The following KLHL32 variants were observed in gnomAD, a reference collection of about 807,000 sequenced individuals.
KLHL32 encodes kelch like family member 32, also known as kelch-like protein 32.
Under a neutral mutation model 64.8 loss-of-function variants are expected in KLHL32, and 35 were observed. The ratio of observed to expected loss-of-function variants is 0.54; its 90% confidence interval spans 0.41 to 0.72. The LOEUF is 0.72. KLHL32 is among the 30% of genes least tolerant of loss of function. The pLI is 0.00. For missense variants in KLHL32, 589 were observed against 768.5 expected, an observed-to-expected ratio of 0.77 and a Z score of 2.76; for synonymous variants, 259 against 281.0, an observed-to-expected ratio of 0.92 and a Z score of 0.78.
rs76175597 is a variant in KLHL32, at chr6:97,116,869, A to G, written c.1354+2360A>G. Among the ~76,000 whole-genome samples the G allele has an allele frequency of 3.7e-3, 556 of 152,234 alleles. 2 individuals carry two copies. Among genetic ancestry groups the G allele is most frequent in the African/African-American group, 0.012 (511 of 41,552 alleles). ...TTTCTCCTACTGTGAAAGGAAATAC[A>G]TTTTCTTTGTTCTTCTTTTGCACTA... On this transcript the variant is annotated intron_variant, in intron 7 of 10. Coordinates refer to ENST00000369261, the MANE Select transcript of KLHL32 (RefSeq NM_052904.4).
At chr6:97,027,879 A>G (rs181085320) in intron 3 of KLHL32, among the ~76,000 whole-genome samples, 1 of 152,326 alleles carries the variant, frequency 6.6e-6, no homozygotes, top group Admixed American at 6.5e-5. Flanking sequence ...AGGAGACTCT[A>G]GAGCTGTTAC....
chr6:97,041,713 A>G (rs1785147396), intron 4 of KLHL32, 114 bp downstream of exon 4: 1 of 613,958 alleles, frequency 1.6e-6, no homozygotes, highest in African/African-American at 1.8e-5. Context: ...TTTTGATGTT[A>G]AAAATAAGAT....
Position 96,991,560 on chromosome 6 carries a change from C to T in KLHL32, c.204+15383C>T, listed in dbSNP as rs539391936. Among the ~76,000 whole-genome samples the T allele has an allele frequency of 8.6e-5, 13 of 151,744 alleles. No individual in the cohort carries two copies. In the East Asian group the frequency reaches 2.0e-3, roughly 23 times the overall value. ...CTGACATGTTCAGGCCAGGGCAGGG[C>T]GGTTGTGCTAGGCGCCCAGGTGGAG... is the stretch of plus-strand genomic sequence containing the variant. On this transcript the variant is annotated intron_variant, in intron 3 of 10. Transcript: ENST00000369261.
intron 1 of KLHL32, among the ~76,000 whole-genome samples, chr6:96,961,960 C>G (rs1374415074): frequency 1.3e-5 from 2 of 152,086 alleles, no homozygotes; most frequent in East Asian, 3.9e-4. Flanking sequence ...CTATAAGCAC[C>G]GTTACTACCG....
At chr6:97,019,357 G>T (rs1359429630) in intron 3 of KLHL32, among the ~76,000 whole-genome samples, 1 of 152,238 alleles carries the variant, frequency 6.6e-6, no homozygotes. Context: ...GGAAGGAGAA[G>T]TTGGTCTTCA....
At chr6:97,121,397 A>G (rs867030490) in intron 7 of KLHL32, among the ~76,000 whole-genome samples, 1 of 152,224 alleles carries the variant, frequency 6.6e-6, no homozygotes, top group South Asian at 2.1e-4. Flanking sequence ...TTTGTTTAGA[A>G]TCAACAATCA....
intron 1 of KLHL32, among the ~76,000 whole-genome samples, chr6:96,943,781 T>C (rs1319682411): frequency 6.6e-6 from 1 of 152,184 alleles, no homozygotes; most frequent in Non-Finnish European, 1.5e-5. Flanking sequence ...GCACAGACAC[T>C]TGCCCCAGCC....
chr6:97,025,892 C>T (rs192606037), intron 3 of KLHL32, among the ~76,000 whole-genome samples: 1 of 152,222 alleles, frequency 6.6e-6, no homozygotes, highest in Non-Finnish European at 1.5e-5. Flanking sequence ...CAGGGCCTGC[C>T]ACATGGTAAA....
At chr6:97,028,738 A>T (rs1204660230) in intron 3 of KLHL32, among the ~76,000 whole-genome samples, 1 of 152,236 alleles carries the variant, frequency 6.6e-6, no homozygotes, top group African/African-American at 2.4e-5. Context: ...CGAGAGATCA[A>T]ACAGCCTCTT....
chr6:96,967,015 C>T lies in KLHL32; in HGVS notation c.-46C>T. ...ATTCAGCTGGAATGCTTGCTGATTC[C>T]TCTGCACACTTCTAAGGCTGAGAAC... On this transcript the variant is annotated 5_prime_UTR_variant, in exon 2 of 11. Transcript: ENST00000369261. 6.3e-7 allele frequency: 1 copy of T among 1,592,656 alleles called. No individual in the cohort carries two copies. Among genetic ancestry groups the T allele is most frequent in the Non-Finnish European group, 8.6e-7 (1 of 1,160,952 alleles).
chr6:96,934,155 G>A (rs1421071181), intron 1 of KLHL32, among the ~76,000 whole-genome samples: 1 of 152,194 alleles, frequency 6.6e-6, no homozygotes, highest in African/African-American at 2.4e-5. Context: ...CCACTGTCCT[G>A]CAAATACGTG....
At chr6:96,918,704 A>T in the KLHL32 span, among the ~76,000 whole-genome samples, 31 of 152,222 alleles carry the variant, frequency 2.0e-4, no homozygotes, top group Non-Finnish European at 3.4e-4. Flanking sequence ...ACTGTGAGAC[A>T]TCTTCACATT....
At chr6:97,018,500 G>T (rs1210063665) in intron 3 of KLHL32, among the ~76,000 whole-genome samples, 1 of 151,410 alleles carries the variant, frequency 6.6e-6, no homozygotes, top group African/African-American at 2.4e-5. Context: ...GGCTGAGGCA[G>T]GAGAATAGGA....
At chr6:96,993,366 G>A (rs923033892) in intron 3 of KLHL32, among the ~76,000 whole-genome samples, 3 of 152,144 alleles carry the variant, frequency 2.0e-5, no homozygotes, top group Non-Finnish European at 2.9e-5. Context: ...GGGGTGGTAA[G>A]GGAAGCTGGG....
chr6:97,120,838 A>G (rs1162229045), intron 7 of KLHL32, among the ~76,000 whole-genome samples: 1 of 152,218 alleles, frequency 6.6e-6, no homozygotes, highest in South Asian at 2.1e-4. Flanking sequence ...TTGTTGCTTT[A>G]GATCCTAGCA....
the KLHL32 span, among the ~76,000 whole-genome samples, chr6:96,907,338 T>C: frequency 3.0e-4 from 46 of 152,340 alleles, no homozygotes; most frequent in African/African-American, 1.1e-3. Flanking sequence ...AAAAAATCCT[T>C]CTTTTAGTGA....
intron 3 of KLHL32, among the ~76,000 whole-genome samples, chr6:97,031,909 A>G (rs1432672008): frequency 1.3e-5 from 2 of 152,088 alleles, no homozygotes; most frequent in African/African-American, 4.8e-5. Flanking sequence ...GACATGGGAC[A>G]GTAAGACCAT....
chr6:96,934,563 G>A (rs999175831), intron 1 of KLHL32, among the ~76,000 whole-genome samples: 1 of 152,190 alleles, frequency 6.6e-6, no homozygotes, highest in African/African-American at 2.4e-5. Flanking sequence ...TGCCCTGTCT[G>A]GGTAGAAGTC....
intron 4 of KLHL32, among the ~76,000 whole-genome samples, chr6:97,055,246 A>G (rs1236473119): frequency 2.6e-5 from 4 of 152,210 alleles, no homozygotes; most frequent in African/African-American, 9.7e-5. Flanking sequence ...GTCACCGTCC[A>G]TTGAGAAAAT....
Sources: allele counts gnomAD v4.1 joint callset (sites outside exome capture counted in the v4.1 genomes callset), GRCh38; gene constraint gnomAD v4.1.1; transcripts MANE v1.5; gene names NCBI Gene and HGNC (gene_info 2026-07-23, HGNC 2026-07-21).